Variants in CNTNAP2 observed in about 807,000 individuals in gnomAD.
CNTNAP2 encodes the protein contactin associated protein 2, also known as contactin-associated protein-like 2.
CNTNAP2 carries 98 observed loss-of-function variants against 155.2 expected under a neutral mutation model. That is an observed-to-expected ratio of 0.63 (90% CI 0.54 to 0.75). The LOEUF (loss-of-function observed/expected upper bound fraction) is 0.75, where lower values mean the gene tolerates loss of function less well. CNTNAP2 is among the 30% of genes least tolerant of loss of function. The pLI is 0.00. For synonymous variants in CNTNAP2, 651 were observed against 631.2 expected, an observed-to-expected ratio of 1.03 and a Z score of -0.47; for missense variants, 1,727 against 1,688.1, an observed-to-expected ratio of 1.02 and a Z score of -0.40.
intron 12 of CNTNAP2, among the ~76,000 whole-genome samples, chr7:147,605,102 C>T (rs554362641): frequency 1.6e-3 from 238 of 152,206 alleles, no homozygotes; most frequent in Non-Finnish European, 2.8e-3. Flanking sequence ...ATTTAATCCC[C>T]AAATCATCTG....
chr7:146,650,548 TG>T (rs1278144893), intron 1 of CNTNAP2, among the ~76,000 whole-genome samples: 1 of 149,798 alleles, frequency 6.7e-6, no homozygotes, highest in Admixed American at 6.7e-5. Context: ...TGTTGCGGGG[TG>T]GGGGGCTAGG....
At chr7:147,239,628 T>C (rs559941530) in intron 8 of CNTNAP2, among the ~76,000 whole-genome samples, 246 of 152,132 alleles carry the variant, frequency 1.6e-3, no homozygotes, top group Non-Finnish European at 3.2e-3. Context: ...GACTATATTA[T>C]GAAGGACAAA....
chr7:148,093,954 C>T (rs751365488), intron 15 of CNTNAP2, among the ~76,000 whole-genome samples: 3 of 152,090 alleles, frequency 2.0e-5, no homozygotes, highest in African/African-American at 4.8e-5. Flanking sequence ...GACAGGATTT[C>T]GCAATGTTGC....
intron 21 of CNTNAP2, among the ~76,000 whole-genome samples, chr7:148,336,941 G>A (rs931288174): frequency 9.9e-5 from 15 of 152,172 alleles, no homozygotes; most frequent in African/African-American, 2.4e-4. Flanking sequence ...TCACTTCTCT[G>A]AGCATTGAAG....
At chr7:148,152,277 C>T (rs1185267236) in intron 17 of CNTNAP2, among the ~76,000 whole-genome samples, 2 of 151,688 alleles carry the variant, frequency 1.3e-5, no homozygotes, top group Non-Finnish European at 2.9e-5. Context: ...TTTTTAAGGA[C>T]AATTTGGTGG....
intron 18 of CNTNAP2, among the ~76,000 whole-genome samples, chr7:148,191,253 T>C (rs1397737235): frequency 6.6e-6 from 1 of 151,862 alleles, no homozygotes; most frequent in Non-Finnish European, 1.5e-5. Context: ...TTGTGCACTC[T>C]TGCTCTCTCT....
intron 20 of CNTNAP2, among the ~76,000 whole-genome samples, chr7:148,247,094 C>T (rs552560214): frequency 5.3e-5 from 8 of 152,110 alleles, no homozygotes; most frequent in Non-Finnish European, 8.8e-5. Context: ...CAAGTTCTTC[C>T]TTAAAAACTA....
chr7:146,746,912 T>C (rs1197396028), intron 1 of CNTNAP2, among the ~76,000 whole-genome samples: 2 of 150,234 alleles, frequency 1.3e-5, no homozygotes. Flanking sequence ...AAAGAAGTTT[T>C]TTCCTATTAT....
intron 13 of CNTNAP2, among the ~76,000 whole-genome samples, chr7:147,850,555 T>C (rs1798916529): frequency 6.6e-6 from 1 of 152,206 alleles, no homozygotes; most frequent in Admixed American, 6.5e-5. Context: ...AACAGCATGG[T>C]ACTGGTGCCA....
intron 9 of CNTNAP2, among the ~76,000 whole-genome samples, chr7:147,317,776 ATGTGTG>A (rs1179574989): frequency 4.5e-5 from 6 of 134,320 alleles, no homozygotes; most frequent in South Asian, 2.2e-4. Context: ...ATATATATAT[ATGTGTG>A]TGTGTGTGTG....
intron 8 of CNTNAP2, among the ~76,000 whole-genome samples, chr7:147,176,330 A>G (rs574149648): frequency 1.3e-5 from 2 of 152,270 alleles, no homozygotes; most frequent in African/African-American, 4.8e-5. Flanking sequence ...TATAGTTTTA[A>G]TATACATTTC....
At chr7:147,987,073 C>G (rs11764915) in intron 15 of CNTNAP2, among the ~76,000 whole-genome samples, 1 of 152,070 alleles carries the variant, frequency 6.6e-6, no homozygotes, top group African/African-American at 2.4e-5. Context: ...AGTAGTGGGT[C>G]TAAGAACAAG....
chr7:146,355,556 G>T (rs1195058736), intron 1 of CNTNAP2, among the ~76,000 whole-genome samples: 1 of 152,120 alleles, frequency 6.6e-6, no homozygotes, highest in East Asian at 1.9e-4. Flanking sequence ...GTGACAATAA[G>T]TCTCTTCCAT....
intron 21 of CNTNAP2, among the ~76,000 whole-genome samples, chr7:148,326,120 T>A (rs1797881929): frequency 6.7e-6 from 1 of 148,702 alleles, no homozygotes; most frequent in Non-Finnish European, 1.5e-5. Context: ...CCTGTTTCAA[T>A]GGACCTATGC....
intron 8 of CNTNAP2, among the ~76,000 whole-genome samples, chr7:147,191,376 T>C (rs1445092024): frequency 6.6e-6 from 1 of 152,086 alleles, no homozygotes; most frequent in Non-Finnish European, 1.5e-5. Context: ...AAAAGTAAGA[T>C]CAAATCCTGA....
At chr7:148,405,596 A>C (rs79092370) in intron 22 of CNTNAP2, among the ~76,000 whole-genome samples, 1 of 120,194 alleles carries the variant, frequency 8.3e-6, no homozygotes, top group Non-Finnish European at 1.6e-5. Context: ...GCCACCATGC[A>C]CAGCTAATTT....
intron 13 of CNTNAP2, among the ~76,000 whole-genome samples, chr7:147,809,489 A>G (rs1158362579): frequency 6.6e-6 from 1 of 152,028 alleles, no homozygotes; most frequent in Admixed American, 6.6e-5. Flanking sequence ...CTGGATTGAA[A>G]CTCATCCCCC....
In CNTNAP2 at chr7:147,974,235, T is replaced by C. The variant is rs577632211; in HGVS notation, c.2256-3627T>C. On this transcript the variant is annotated intron_variant, in intron 14 of 23. Coordinates refer to ENST00000361727, the MANE Select transcript of CNTNAP2 (RefSeq NM_014141.6). Reference sequence around the variant, plus strand: ...TACAATTACATAATAATTGGAATATTTCCAAACACTTGTTTTAAAAATGCT... The same window carrying C: ...TACAATTACATAATAATTGGAATATCTCCAAACACTTGTTTTAAAAATGCT... Among the ~76,000 whole-genome samples, 271 of 152,308 alleles carry C rather than the reference T, an allele frequency of 1.8e-3. 1 individual carries two copies. The highest frequency in any genetic ancestry group is 6.4e-3 in the African/African-American group (266 of 41,562).
chr7:148,080,604 C>CAAAAAA (rs199500286), intron 15 of CNTNAP2, among the ~76,000 whole-genome samples: 28 of 69,500 alleles, frequency 4.0e-4, no homozygotes, highest in South Asian at 1.2e-3. Flanking sequence ...GACTCCATCT[C>CAAAAAA]AAAAAAAAAA....
Sources: allele counts gnomAD v4.1 joint callset (sites outside exome capture counted in the v4.1 genomes callset), GRCh38; gene constraint gnomAD v4.1.1; transcripts MANE v1.5; gene names NCBI Gene and HGNC (gene_info 2026-07-23, HGNC 2026-07-21).